ITPR2: variants seen among roughly 807,000 people sequenced by gnomAD.
ITPR2 encodes inositol 1,4,5-trisphosphate receptor type 2.
Under a neutral mutation model 317.1 loss-of-function variants are expected in ITPR2, and 207 were observed. That is an observed-to-expected ratio of 0.65 (90% CI 0.58 to 0.73). The LOEUF (loss-of-function observed/expected upper bound fraction) is 0.73. Among genes scored for constraint, ITPR2 ranks in the 30% least tolerant of loss-of-function variants. The pLI, the probability that ITPR2 is intolerant of heterozygous loss-of-function variation, is 0.00. For synonymous variants in ITPR2, 1,156 were observed against 1,149.1 expected, an observed-to-expected ratio of 1.01 and a Z score of -0.12; for missense variants, 2,613 against 3,284.0, an observed-to-expected ratio of 0.80 and a Z score of 4.99.
chr12:26,666,416 T>C (rs1280929223), intron 13 of ITPR2, among the ~76,000 whole-genome samples: 3 of 152,214 alleles, frequency 2.0e-5, no homozygotes, highest in East Asian at 3.8e-4. Flanking sequence ...AATAAAGCCA[T>C]GTGAGTCGCA....
rs143955768 is a variant in ITPR2, at chr12:26,827,466, C to T, written c.92+5224G>A. Among the ~76,000 whole-genome samples, 692 of 152,240 alleles carry T rather than the reference C, an allele frequency of 4.5e-3. 3 individuals carry two copies. The highest frequency in any genetic ancestry group is 0.016 in the African/African-American group (666 of 41,546). ...CAACCTGAGAAGCTGGGCCACTAAG[C>T]CTAAGAAAATCCTCCCACATCTCCA... On this transcript the variant is annotated intron_variant, in intron 1 of 56. Coordinates refer to ENST00000381340, the MANE Select transcript of ITPR2 (RefSeq NM_002223.4).
At chr12:26,741,450 G>A (rs1017147481) in intron 2 of ITPR2, among the ~76,000 whole-genome samples, 1 of 152,106 alleles carries the variant, frequency 6.6e-6, no homozygotes, top group African/African-American at 2.4e-5. Flanking sequence ...GTTTTAGCCA[G>A]TTTTATACAC....
chr12:26,638,750 G>T (rs1436688495), intron 21 of ITPR2, among the ~76,000 whole-genome samples: 1 of 152,134 alleles, frequency 6.6e-6, no homozygotes, highest in Non-Finnish European at 1.5e-5. Context: ...AACAAGGGAG[G>T]ATGGCTAATA....
chr12:26,642,851 C>T (rs117532194), intron 21 of ITPR2, among the ~76,000 whole-genome samples: 1 of 152,290 alleles, frequency 6.6e-6, no homozygotes, highest in East Asian at 1.9e-4. Context: ...CTGTGATGCT[C>T]CTGCCCAGAT....
At chr12:26,686,359 A>G (rs1948123907) in intron 11 of ITPR2, 122 bp downstream of exon 11, 1 of 562,432 alleles carries the variant, frequency 1.8e-6, no homozygotes, top group African/African-American at 2.0e-5. Context: ...TGTTTTACAC[A>G]TTTTTCTTCA....
At chr12:26,744,700 AT>A (rs1207410996) in intron 2 of ITPR2, among the ~76,000 whole-genome samples, 1 of 152,242 alleles carries the variant, frequency 6.6e-6, no homozygotes, top group African/African-American at 2.4e-5. Flanking sequence ...TTTATCACAA[AT>A]GTGGATTATT....
At chr12:26,532,491 C>T (rs1352363123) in intron 37 of ITPR2, among the ~76,000 whole-genome samples, 2 of 152,120 alleles carry the variant, frequency 1.3e-5, no homozygotes, top group Non-Finnish European at 2.9e-5. Flanking sequence ...AGCAGTCTTC[C>T]CACCTCAGCC....
Position 26,481,111 on chromosome 12 carries a change from G to C in ITPR2, c.6123+20C>G, listed in dbSNP as rs1394879308. On this transcript the variant is annotated intron_variant, in intron 43 of 56. Transcript: ENST00000381340. ...ATAGAGACTGTAGCTTTTCTGGCCTGAACAGTGGAATCGCTCTACCTTTAG... is the reference window on the plus strand; with the variant it reads ...ATAGAGACTGTAGCTTTTCTGGCCTCAACAGTGGAATCGCTCTACCTTTAG... The C allele has an allele frequency of 7.0e-7, 1 of 1,436,890 alleles. No homozygotes were observed. The highest frequency in any genetic ancestry group is 9.8e-7 in the Non-Finnish European group (1 of 1,019,352). The allele number at this position is 1,436,890 out of a possible 1,614,324, so 89.0% of individuals were successfully genotyped here.
At chr12:26,566,800 G>A (rs1457132992) in intron 34 of ITPR2, among the ~76,000 whole-genome samples, 1 of 152,064 alleles carries the variant, frequency 6.6e-6, no homozygotes, top group African/African-American at 2.4e-5. Context: ...CTCTGTTTAT[G>A]TCTTTCACAC....
At chr12:26,753,816 G>A (rs894057515) in intron 2 of ITPR2, among the ~76,000 whole-genome samples, 2 of 152,114 alleles carry the variant, frequency 1.3e-5, no homozygotes, top group African/African-American at 4.8e-5. Context: ...CCAGCAAACT[G>A]GCCAGTTACA....
At chr12:26,787,922 CTTTT>C (rs71069268) in intron 2 of ITPR2, among the ~76,000 whole-genome samples, 1 of 120,228 alleles carries the variant, frequency 8.3e-6, no homozygotes. Context: ...GGTGACTATC[CTTTT>C]TTTTTTTTTT....
At chr12:26,637,699 T>G (rs1457386589) in intron 21 of ITPR2, among the ~76,000 whole-genome samples, 1 of 152,196 alleles carries the variant, frequency 6.6e-6, no homozygotes, top group Non-Finnish European at 1.5e-5. Context: ...AAAACAACTC[T>G]TCTCCATTTA....
chr12:26,441,074 A>G (rs1360509300), intron 46 of ITPR2, among the ~76,000 whole-genome samples: 1 of 152,092 alleles, frequency 6.6e-6, no homozygotes, highest in Non-Finnish European at 1.5e-5. Flanking sequence ...CAGATGTTAG[A>G]GTCAAGCTAT....
intron 13 of ITPR2, among the ~76,000 whole-genome samples, chr12:26,680,571 C>T (rs918516219): frequency 3.0e-4 from 45 of 152,082 alleles, no homozygotes; most frequent in African/African-American, 1.1e-3. Context: ...TAGATAAAAT[C>T]ACATTTACTT....
At chr12:26,517,282 T>C (rs1943548539) in intron 37 of ITPR2, among the ~76,000 whole-genome samples, 1 of 152,160 alleles carries the variant, frequency 6.6e-6, no homozygotes, top group Non-Finnish European at 1.5e-5. Context: ...GGAGAAAATA[T>C]TTGCACACTC....
intron 34 of ITPR2, among the ~76,000 whole-genome samples, chr12:26,571,855 T>C (rs1945169127): frequency 6.6e-6 from 1 of 152,248 alleles, no homozygotes; most frequent in Non-Finnish European, 1.5e-5. Context: ...TGATTTTTAC[T>C]ACCTTTTGTA....
chr12:26,695,292 T>C (rs1245426923), intron 10 of ITPR2, among the ~76,000 whole-genome samples: 1 of 152,192 alleles, frequency 6.6e-6, no homozygotes, highest in Non-Finnish European at 1.5e-5. Flanking sequence ...GTTGTCACCA[T>C]GAAGCTTTCT....
At chr12:26,667,692 A>G (rs1222812809) in intron 13 of ITPR2, among the ~76,000 whole-genome samples, 1 of 152,238 alleles carries the variant, frequency 6.6e-6, no homozygotes, top group African/African-American at 2.4e-5. Flanking sequence ...TATATGCCCA[A>G]TGCAAGTCCA....
intron 2 of ITPR2, among the ~76,000 whole-genome samples, chr12:26,750,423 T>C (rs975359890): frequency 6.6e-6 from 1 of 152,202 alleles, no homozygotes; most frequent in Non-Finnish European, 1.5e-5. Flanking sequence ...CATCTGAAGA[T>C]AGCCAGAGAG....
Sources: allele counts gnomAD v4.1 joint callset (sites outside exome capture counted in the v4.1 genomes callset), GRCh38; gene constraint gnomAD v4.1.1; transcripts MANE v1.5; gene names NCBI Gene and HGNC (gene_info 2026-07-23, HGNC 2026-07-21).